BCAS3: variants seen among roughly 807,000 people sequenced by gnomAD.
BCAS3 encodes the protein BCAS4/BCAS3 fusion.
Under a neutral mutation model 116.1 loss-of-function variants are expected in BCAS3, and 53 were observed. That is an observed-to-expected ratio of 0.46 (90% confidence interval 0.37 to 0.57). The LOEUF (loss-of-function observed/expected upper bound fraction) is 0.57. Ranked by LOEUF, BCAS3 falls within the 20% of genes least tolerant of loss-of-function variation. BCAS3 has a pLI of 0.00. For missense variants in BCAS3, 917 were observed against 1,165.4 expected, an observed-to-expected ratio of 0.79 and a Z score of 3.10; for synonymous variants, 391 against 408.2, an observed-to-expected ratio of 0.96 and a Z score of 0.51.
At chr17:60,847,998 TA>T (rs2052684508) in intron 7 of BCAS3, among the ~76,000 whole-genome samples, 1 of 152,208 alleles carries the variant, frequency 6.6e-6, no homozygotes, top group South Asian at 2.1e-4. Context: ...AGTTGGGGGC[TA>T]GGGTTTCCCT....
intron 22 of BCAS3, among the ~76,000 whole-genome samples, chr17:61,263,477 G>A (rs1199517623): frequency 1.3e-5 from 2 of 152,238 alleles, no homozygotes; most frequent in Non-Finnish European, 2.9e-5. Context: ...ATAAGAAGGA[G>A]AGACCCAGTC....
At chr17:60,991,320 A>G (rs1048062426) in intron 15 of BCAS3, among the ~76,000 whole-genome samples, 1 of 152,114 alleles carries the variant, frequency 6.6e-6, no homozygotes, top group Non-Finnish European at 1.5e-5. Context: ...ATTCCATTGT[A>G]CTTCTGTTTA....
chr17:60,857,290 A>G (rs2053762907), intron 7 of BCAS3, among the ~76,000 whole-genome samples: 1 of 152,160 alleles, frequency 6.6e-6, no homozygotes, highest in South Asian at 2.1e-4. Flanking sequence ...AGCCTCTGAT[A>G]TTTGCTTACA....
At position 61,037,388 on chromosome 17, in the gene BCAS3, G is replaced by A. The variant is rs760973661; in HGVS notation, c.1763-501G>A. ...TTCTTGAAGTAAGTTGCTTAAGATT[G>A]AAAATACTCTGATATCATAGACATT... is the stretch of plus-strand genomic sequence containing the variant. On this transcript the variant is annotated intron_variant, in intron 17 of 23. Transcript: ENST00000407086. The surrounding 1 kb of genome is among the most constrained non-coding windows in gnomAD (Gnocchi z 4.7). 1.3e-5 allele frequency among the ~76,000 whole-genome samples: 2 copies of A among 152,216 alleles called. No individual in the cohort carries two copies. Among genetic ancestry groups the A allele is most frequent in the Non-Finnish European group, 1.5e-5 (1 of 68,044 alleles).
chr17:61,186,015 T>C lies in BCAS3; in HGVS notation c.2425+101451T>C, dbSNP rs892574762. ...CAGAATTTAGTTTCATCCGTACATT[T>C]ACTAAATAGTTCCTTAGGAGAGATG... is the stretch of plus-strand genomic sequence containing the variant. On this transcript the variant is annotated intron_variant, in intron 22 of 23. Coordinates refer to ENST00000407086, the MANE Select transcript of BCAS3 (RefSeq NM_017679.5). The surrounding 1 kb of genome is among the most constrained non-coding windows in gnomAD (Gnocchi z 4.9). Among the ~76,000 whole-genome samples, 1 of 152,226 alleles carries C rather than the reference T, an allele frequency of 6.6e-6. No homozygotes were observed. Among genetic ancestry groups the C allele is most frequent in the Admixed American group, 6.5e-5 (1 of 15,280 alleles).
chr17:60,994,944 C>G lies in BCAS3; in HGVS notation c.1486+4709C>G, dbSNP rs1180980043. On this transcript the variant is annotated intron_variant, in intron 15 of 23. Transcript: ENST00000407086. The surrounding 1 kb of genome is among the most constrained non-coding windows in gnomAD (Gnocchi z 4.4). ...TGAGCACAAAGTCTTTTTGGTGTTT[C>G]TATTTGTATCTTGGCAGTTGACATA... Among the ~76,000 whole-genome samples the G allele has an allele frequency of 1.3e-5, 2 of 152,122 alleles. No homozygotes were observed. Among genetic ancestry groups the G allele is most frequent in the Non-Finnish European group, 2.9e-5 (2 of 68,024 alleles).
chr17:60,725,637 A>G (rs2039744479), intron 5 of BCAS3, among the ~76,000 whole-genome samples: 1 of 152,116 alleles, frequency 6.6e-6, no homozygotes, highest in Non-Finnish European at 1.5e-5. Context: ...TGCTGCTGGC[A>G]TGTGGTAGGT....
chr17:60,841,481 G>A (rs995919890), intron 7 of BCAS3, among the ~76,000 whole-genome samples: 7 of 149,132 alleles, frequency 4.7e-5, no homozygotes, highest in South Asian at 2.1e-4. Context: ...CTGGGTTCAC[G>A]CCATTCTCCT....
intron 22 of BCAS3, among the ~76,000 whole-genome samples, chr17:61,296,478 G>C (rs1466421390): frequency 3.3e-5 from 5 of 152,054 alleles, no homozygotes; most frequent in Non-Finnish European, 5.9e-5. Context: ...TTTTGAAAAA[G>C]GTAATTTTGA....
chr17:61,308,797 T>G (rs945336504), intron 22 of BCAS3, among the ~76,000 whole-genome samples: 3 of 152,210 alleles, frequency 2.0e-5, no homozygotes, highest in African/African-American at 7.2e-5. Flanking sequence ...CCTAGCCAGC[T>G]TATTAAACAG....
intron 10 of BCAS3, chr17:60,900,198 A>AAAAAAAAAG (rs72339158): frequency 6.7e-6 from 1 of 148,516 alleles, no homozygotes; most frequent in African/African-American, 2.6e-5. Flanking sequence ...AAAAAAAAAA[A>AAAAAAAAAG]AAAGAAAGAA....
At chr17:60,870,552 T>TAAACCTTACTG (rs1200695900) in intron 8 of BCAS3, among the ~76,000 whole-genome samples, 1 of 152,198 alleles carries the variant, frequency 6.6e-6, no homozygotes, top group African/African-American at 2.4e-5. Flanking sequence ...AGATATGATG[T>TAAACCTTACTG]AAACCTTACT....
chr17:60,796,505 G>A (rs532507189), intron 6 of BCAS3, among the ~76,000 whole-genome samples: 3 of 152,180 alleles, frequency 2.0e-5, no homozygotes, highest in East Asian at 1.9e-4. Context: ...TCTAGTTTAC[G>A]TGCATAAAGG....
intron 23 of BCAS3, among the ~76,000 whole-genome samples, chr17:61,375,556 AT>A (rs1167489369): frequency 4.7e-5 from 7 of 150,344 alleles, no homozygotes; most frequent in Admixed American, 2.0e-4. Flanking sequence ...CACCAGTACC[AT>A]GTGTTAATTA....
chr17:61,114,571 TGCTC>T (rs1245559688), intron 22 of BCAS3, among the ~76,000 whole-genome samples: 3 of 151,620 alleles, frequency 2.0e-5, no homozygotes, highest in Non-Finnish European at 1.5e-5. Flanking sequence ...TACAAACCAC[TGCTC>T]GAGGAAATAA....
chr17:61,129,390 C>T (rs2076213062), intron 22 of BCAS3, among the ~76,000 whole-genome samples: 2 of 152,216 alleles, frequency 1.3e-5, no homozygotes, highest in South Asian at 4.1e-4. Context: ...CCCATTCTAA[C>T]CACCTTTTTA....
In BCAS3 at chr17:61,327,631, TC is replaced by T. The variant is rs2055846496; in HGVS notation, c.2426-40693del. Among the ~76,000 whole-genome samples the T allele has an allele frequency of 1.3e-5, 2 of 152,178 alleles. No homozygotes were observed. The highest frequency in any genetic ancestry group is 4.2e-4 in the South Asian group (2 of 4,808). On this transcript the variant is annotated intron_variant, in intron 22 of 23. Coordinates refer to ENST00000407086, the MANE Select transcript of BCAS3 (RefSeq NM_017679.5). The surrounding 1 kb of genome is among the most constrained non-coding windows in gnomAD (Gnocchi z 5.9). ...TTCAAGACATTCTCCTGCCTCAGCC[TC>T]CCGAGTAGCTGGGATTACAGGCATG... is the stretch of plus-strand genomic sequence containing the variant.
chr17:60,970,397 A>G (rs1307535503), intron 14 of BCAS3, among the ~76,000 whole-genome samples: 2 of 152,212 alleles, frequency 1.3e-5, no homozygotes, highest in African/African-American at 4.8e-5. Context: ...TCAACCATAT[A>G]GAAATTAAAT....
intron 1 of BCAS3, among the ~76,000 whole-genome samples, chr17:60,678,493 C>T (rs1446985980): frequency 6.6e-6 from 1 of 152,142 alleles, no homozygotes; most frequent in Non-Finnish European, 1.5e-5. Flanking sequence ...AAGCCGACTC[C>T]ATGCTCTTAA....
Sources: gnomAD v4.1 joint callset for allele counts (sites outside exome capture counted in the v4.1 genomes callset) on GRCh38, gnomAD v4.1.1 for gene constraint, Gnocchi (gnomAD v3.1) non-coding constraint, MANE v1.5 for transcripts, NCBI Gene and HGNC (gene_info 2026-07-23, HGNC 2026-07-21) for gene names.